Variants in CTNND2 observed in about 807,000 individuals in gnomAD.
CTNND2 encodes the protein catenin delta-2.
A neutral mutation model predicts 144.4 loss-of-function variants in CTNND2; 22 were observed. The observed-to-expected ratio is 0.15, with a 90% confidence interval of 0.11 to 0.22. The LOEUF is 0.22. Among genes scored for constraint, CTNND2 ranks in the 10% least tolerant of loss-of-function variants. The pLI is 1.00. For synonymous variants in CTNND2, 751 were observed against 695.6 expected (o/e 1.08, Z -1.25); for missense variants, 1,353 against 1,618.8 (o/e 0.84, Z 2.82).
intron 18 of CTNND2, among the ~76,000 whole-genome samples, chr5:10,999,967 A>T (rs1340491069): frequency 2.0e-5 from 3 of 152,198 alleles, no homozygotes; most frequent in African/African-American, 7.2e-5. Flanking sequence ...CCACAGCCCC[A>T]CTACCATCGG....
intron 6 of CTNND2, among the ~76,000 whole-genome samples, chr5:11,387,929 C>T (rs1759253952): frequency 6.6e-6 from 1 of 152,162 alleles, no homozygotes; most frequent in Admixed American, 6.5e-5. Context: ...TTCTTGTAAT[C>T]TGTCAAAACA....
chr5:11,471,614 CTCTA>C (rs1231160590), intron 3 of CTNND2, among the ~76,000 whole-genome samples: 1 of 152,192 alleles, frequency 6.6e-6, no homozygotes, highest in Admixed American at 6.5e-5. Context: ...AGTGTGTCCT[CTCTA>C]TCTGACAGGC....
intron 7 of CTNND2, 66 bp from the exon 8 acceptor site, chr5:11,364,956 A>G (rs1756825104): frequency 7.2e-7 from 1 of 1,390,850 alleles, no homozygotes; most frequent in African/African-American, 1.5e-5. Flanking sequence ...GTTTAATCAA[A>G]GACATATTCA....
chr5:11,119,553 G>C (rs1028231346), intron 12 of CTNND2, among the ~76,000 whole-genome samples: 8 of 152,206 alleles, frequency 5.3e-5, no homozygotes, highest in Non-Finnish European at 8.8e-5. Context: ...GGTGGTGACA[G>C]GCATTTGGAT....
chr5:11,552,330 A>G (rs1359262418), intron 3 of CTNND2, among the ~76,000 whole-genome samples: 1 of 152,198 alleles, frequency 6.6e-6, no homozygotes, highest in Non-Finnish European at 1.5e-5. Flanking sequence ...AACTTACAAT[A>G]TACTTATAAA....
chr5:11,720,816 C>T (rs1212202388), intron 2 of CTNND2, among the ~76,000 whole-genome samples: 2 of 152,122 alleles, frequency 1.3e-5, no homozygotes, highest in African/African-American at 2.4e-5. Context: ...GCTCACTATT[C>T]TGCCTATAGT....
chr5:11,559,748 C>T (rs1385050066), intron 3 of CTNND2, among the ~76,000 whole-genome samples: 3 of 152,210 alleles, frequency 2.0e-5, no homozygotes, highest in Non-Finnish European at 4.4e-5. Flanking sequence ...CTTTCTCCTT[C>T]AGTGGGGGCT....
intron 2 of CTNND2, among the ~76,000 whole-genome samples, chr5:11,604,804 G>C (rs1779968418): frequency 6.6e-6 from 1 of 152,158 alleles, no homozygotes; most frequent in African/African-American, 2.4e-5. Context: ...AAGTACATCA[G>C]TGGAGGAATG....
chr5:11,566,879 C>T (rs1274296763), intron 2 of CTNND2, among the ~76,000 whole-genome samples: 1 of 152,190 alleles, frequency 6.6e-6, no homozygotes, highest in African/African-American at 2.4e-5. Context: ...TTTTCCAAGA[C>T]TCTTCATCCA....
At chr5:11,496,469 C>A (rs1249996872) in intron 3 of CTNND2, among the ~76,000 whole-genome samples, 1 of 152,136 alleles carries the variant, frequency 6.6e-6, no homozygotes, top group Non-Finnish European at 1.5e-5. Context: ...GCACATGACG[C>A]AGAAAATAGG....
chr5:11,698,623 C>T (rs975766479), intron 2 of CTNND2, among the ~76,000 whole-genome samples: 13 of 152,088 alleles, frequency 8.5e-5, no homozygotes, highest in Non-Finnish European at 1.3e-4. Flanking sequence ...TTACACACTT[C>T]CTTTTTTGTC....
intron 3 of CTNND2, among the ~76,000 whole-genome samples, chr5:11,497,237 T>A (rs77958781): frequency 6.6e-6 from 1 of 151,986 alleles, no homozygotes; most frequent in African/African-American, 2.4e-5. Flanking sequence ...TTTTTTTTTT[T>A]AATACCATAC....
At chr5:11,161,003 A>G (rs550156156) in intron 11 of CTNND2, among the ~76,000 whole-genome samples, 2 of 152,334 alleles carry the variant, frequency 1.3e-5, no homozygotes, top group South Asian at 4.1e-4. Flanking sequence ...CTTTAGAAAT[A>G]CCATTTACTG....
chr5:11,377,203 G>A (rs538735464), intron 7 of CTNND2, among the ~76,000 whole-genome samples: 5 of 151,510 alleles, frequency 3.3e-5, no homozygotes, highest in South Asian at 2.1e-4. Flanking sequence ...GGCACGCGCC[G>A]CCACACCTGG....
intron 2 of CTNND2, among the ~76,000 whole-genome samples, chr5:11,711,498 AT>A (rs1307637126): frequency 3.3e-5 from 5 of 152,210 alleles, no homozygotes; most frequent in African/African-American, 1.2e-4. Flanking sequence ...ATATAAAAAA[AT>A]CAAGCAGATA....
intron 16 of CTNND2, among the ~76,000 whole-genome samples, chr5:11,058,220 G>T (rs532610448): frequency 6.6e-6 from 1 of 152,208 alleles, no homozygotes; most frequent in Non-Finnish European, 1.5e-5. Context: ...TGTCTCCAGG[G>T]CATGTCAGAG....
At chr5:11,286,858 C>G (rs1224985116) in intron 9 of CTNND2, among the ~76,000 whole-genome samples, 3 of 152,138 alleles carry the variant, frequency 2.0e-5, no homozygotes, top group Non-Finnish European at 4.4e-5. Context: ...CCACATTTGC[C>G]CAGGACACAT....
At chr5:11,362,228 G>A (rs1260774177) in intron 8 of CTNND2, among the ~76,000 whole-genome samples, 1 of 151,940 alleles carries the variant, frequency 6.6e-6, no homozygotes, top group Non-Finnish European at 1.5e-5. Flanking sequence ...TACGGCTACT[G>A]GATAACTATA....
intron 1 of CTNND2, among the ~76,000 whole-genome samples, chr5:11,735,262 C>T (rs1787617104): frequency 6.6e-6 from 1 of 152,182 alleles, no homozygotes; most frequent in Non-Finnish European, 1.5e-5. Flanking sequence ...CATGCTTTCT[C>T]ATATGGTTTT....
Sources: gnomAD v4.1 joint callset for allele counts (sites outside exome capture counted in the v4.1 genomes callset) on GRCh38, gnomAD v4.1.1 for gene constraint, MANE v1.5 for transcripts, NCBI Gene and HGNC (gene_info 2026-07-23, HGNC 2026-07-21) for gene names.